Variants in RP1 observed in about 807,000 individuals in gnomAD.
The protein encoded by RP1 is RP1 axonemal microtubule associated.
In RP1, 16 loss-of-function variants were observed where a neutral mutation model predicts 14.8. The ratio of observed to expected loss-of-function variants is 1.08; its 90% confidence interval spans 0.73 to 1.65. The LOEUF is 1.65. Among genes scored for constraint, RP1 ranks in the 40% most tolerant of loss-of-function variants. The pLI, the probability that RP1 is intolerant of heterozygous loss-of-function variation, is 0.00. For synonymous variants in RP1, 876 were observed against 883.6 expected, an observed-to-expected ratio of 0.99 and a Z score of 0.15; for missense variants, 2,631 against 2,535.0, an observed-to-expected ratio of 1.04 and a Z score of -0.81.
At chr8:54,657,995 G>T (rs931997695) in intron 6 of RP1, among the ~76,000 whole-genome samples, 1 of 152,124 alleles carries the variant, frequency 6.6e-6, no homozygotes, top group Non-Finnish European at 1.5e-5. Flanking sequence ...TATTCACATT[G>T]TTATGCAACA....
intron 19 of RP1, among the ~76,000 whole-genome samples, chr8:54,754,259 C>A: frequency 6.6e-6 from 1 of 150,648 alleles, no homozygotes; most frequent in Non-Finnish European, 1.5e-5. Context: ...AAGGCATTCA[C>A]TTTTTTTTTC....
chr8:54,644,633 C>G (rs180897216), intron 3 of RP1, among the ~76,000 whole-genome samples: 153 of 152,262 alleles, frequency 1.0e-3, no homozygotes, highest in African/African-American at 3.5e-3. Flanking sequence ...ATTTCCAGAG[C>G]CTATCTAGAA....
intron 3 of RP1, among the ~76,000 whole-genome samples, chr8:54,641,760 T>G (rs962699307): frequency 5.3e-5 from 8 of 152,250 alleles, no homozygotes; most frequent in African/African-American, 1.7e-4. Flanking sequence ...AGCTGTTATG[T>G]AATAGGCACC....
intron 19 of RP1, among the ~76,000 whole-genome samples, chr8:54,741,005 C>T (rs1809070427): frequency 6.7e-6 from 1 of 149,374 alleles, no homozygotes. Context: ...CATTGCACTC[C>T]AGTCTGGGGG....
chr8:54,699,571 G>T lies in RP1; in HGVS notation c.1821+1G>T, dbSNP rs1807963036. 7.4e-7 allele frequency: 1 copy of T among 1,352,526 alleles called. No homozygotes were observed. The highest frequency in any genetic ancestry group is 9.7e-7 in the Non-Finnish European group (1 of 1,035,850). 83.8% of individuals were successfully genotyped at this position (1,352,526 alleles called of 1,614,324 possible). A position where few individuals can be genotyped will look rare whatever the true frequency, so the allele number is the denominator to read the frequency against. On this transcript the variant is annotated splice_donor_variant, in intron 13 of 22. Transcript: ENST00000636932. LOFTEE classifies it high-confidence loss of function. ...TGACAATGGCATTGTCACTGGAATGGTGTGTAGTAAATTTTCTTTTTGCCA... is the reference window on the plus strand; with the variant it reads ...TGACAATGGCATTGTCACTGGAATGTTGTGTAGTAAATTTTCTTTTTGCCA...
chr8:54,861,114 C>G (rs1353724005), intron 27 of RP1, among the ~76,000 whole-genome samples: 1 of 152,136 alleles, frequency 6.6e-6, no homozygotes, highest in Non-Finnish European at 1.5e-5. Context: ...GAAAAGTATA[C>G]CATAATAGAG....
At chr8:54,670,658 A>AAT (rs1205910572) in intron 7 of RP1, among the ~76,000 whole-genome samples, 1 of 93,068 alleles carries the variant, frequency 1.1e-5, no homozygotes, top group Non-Finnish European at 2.0e-5. Flanking sequence ...ATTTATGAAT[A>AAT]ATATATATGT....
At position 54,678,445 on chromosome 8, in the gene RP1, T is replaced by C. The variant is rs541018769; in HGVS notation, c.1403-16T>C. 8 of 1,529,804 alleles carry C rather than the reference T, an allele frequency of 5.2e-6. No individual in the cohort carries two copies. In the South Asian group the frequency reaches 9.7e-5, roughly 18 times the overall value. The allele number at this position is 1,529,804 out of a possible 1,614,324, so 94.8% of individuals were successfully genotyped here. On this transcript the variant is annotated splice_polypyrimidine_tract_variant and intron_variant, in intron 8 of 22. Transcript: ENST00000636932. Reference sequence around the variant, plus strand: ...ATTTATTCATATCACATTTTCATTCTTTAATTTGTGTTTAGGAAATGGTTG... The same window carrying C: ...ATTTATTCATATCACATTTTCATTCCTTAATTTGTGTTTAGGAAATGGTTG...
intron 24 of RP1, among the ~76,000 whole-genome samples, chr8:54,802,869 A>G (rs1025823484): frequency 1.3e-5 from 2 of 152,212 alleles, no homozygotes; most frequent in African/African-American, 2.4e-5. Context: ...GGATTGGATG[A>G]AACAAAATCT....
chr8:54,871,150 T>A (rs1030035246), exon 29 of RP1: 1 of 151,940 alleles, frequency 6.6e-6, no homozygotes, highest in Non-Finnish European at 1.5e-5. Context: ...TAAATCATAT[T>A]CCAAATATCC....
At chr8:54,770,993 T>G (rs1276614955), downstream of RP1, among the ~76,000 whole-genome samples, 1 of 152,052 alleles carries the variant, frequency 6.6e-6, no homozygotes, top group Non-Finnish European at 1.5e-5. Context: ...ATGTACTTTC[T>G]ACAGTGGTTT....
chr8:54,710,321 A>T (rs1808265599), intron 15 of RP1, among the ~76,000 whole-genome samples: 1 of 152,226 alleles, frequency 6.6e-6, no homozygotes. Flanking sequence ...CAGCTGCTTT[A>T]GCACCAGCAG....
At chr8:54,836,451 C>T (rs1811658478) in intron 24 of RP1, among the ~76,000 whole-genome samples, 1 of 152,162 alleles carries the variant, frequency 6.6e-6, no homozygotes. Flanking sequence ...GTTGGGCCTA[C>T]TCTAAGTTAT....
At chr8:54,714,566 C>A (rs1163592915) in intron 15 of RP1, among the ~76,000 whole-genome samples, 2 of 152,154 alleles carry the variant, frequency 1.3e-5, no homozygotes, top group Non-Finnish European at 2.9e-5. Context: ...CCTATGATTT[C>A]ATCCCTGACC....
At chr8:54,587,229 C>T (rs1024736176) in intron 1 of RP1, among the ~76,000 whole-genome samples, 4 of 152,112 alleles carry the variant, frequency 2.6e-5, no homozygotes, top group African/African-American at 9.7e-5. Context: ...AGTTTGAGAC[C>T]GGCCTGGCCA....
intron 17 of RP1, among the ~76,000 whole-genome samples, chr8:54,727,476 A>G (rs768564554): frequency 8.5e-5 from 13 of 152,118 alleles, no homozygotes; most frequent in Non-Finnish European, 1.5e-4. Context: ...GGGGATAGAT[A>G]CTTTTTTAAT....
chr8:54,854,470 A>G (rs1449266167), intron 26 of RP1, among the ~76,000 whole-genome samples: 1 of 152,252 alleles, frequency 6.6e-6, no homozygotes, highest in Admixed American at 6.5e-5. Flanking sequence ...AGTTTTATGT[A>G]ACATTATATC....
chr8:54,797,873 CTTTT>C (rs71254593), intron 24 of RP1, among the ~76,000 whole-genome samples: 6 of 112,260 alleles, frequency 5.3e-5, no homozygotes, highest in Admixed American at 1.9e-4. Context: ...GTTTCCCAAC[CTTTT>C]TTTTTTTTTT....
chr8:54,615,391 G>T (rs185533613), upstream of RP1, among the ~76,000 whole-genome samples: 2 of 152,124 alleles, frequency 1.3e-5, no homozygotes, highest in South Asian at 4.1e-4. Context: ...AGGAAGCCCC[G>T]TAGGAAACCC....
Sources: allele counts gnomAD v4.1 joint callset (sites outside exome capture counted in the v4.1 genomes callset), GRCh38; gene constraint gnomAD v4.1.1; transcripts MANE v1.5; gene names NCBI Gene and HGNC (gene_info 2026-07-23, HGNC 2026-07-21).